The following WASHC5 variants were observed in gnomAD, a reference collection of about 807,000 sequenced individuals.
The protein encoded by WASHC5 is WASH complex subunit strumpellin.
In WASHC5, 101 loss-of-function variants were observed where a neutral mutation model predicts 150.4. The observed-to-expected ratio is 0.67, with a 90% CI of 0.57 to 0.79. The LOEUF (loss-of-function observed/expected upper bound fraction) is 0.79. Among genes scored for constraint, WASHC5 ranks in the 30% least tolerant of loss-of-function variants. The pLI, the probability that WASHC5 is intolerant of heterozygous loss-of-function variation, is 0.00. For synonymous variants in WASHC5, 467 were observed against 491.2 expected, an observed-to-expected ratio of 0.95 and a Z score of 0.65; for missense variants, 1,195 against 1,396.3, an observed-to-expected ratio of 0.86 and a Z score of 2.30.
intron 28 of WASHC5, among the ~76,000 whole-genome samples, chr8:125,025,449 G>A (rs1190109658): frequency 6.6e-6 from 1 of 152,130 alleles, no homozygotes; most frequent in Non-Finnish European, 1.5e-5. Flanking sequence ...TGGCACTTTG[G>A]GAGGCTGAGG....
chr8:125,075,482 T>C (rs912845605), intron 7 of WASHC5, among the ~76,000 whole-genome samples: 11 of 152,204 alleles, frequency 7.2e-5, no homozygotes, highest in Admixed American at 3.3e-4. Context: ...TCTTACAGGT[T>C]TCATGTAATT....
At chr8:125,048,031 G>C (rs1346244660) in intron 19 of WASHC5, among the ~76,000 whole-genome samples, 3 of 152,132 alleles carry the variant, frequency 2.0e-5, no homozygotes, top group Non-Finnish European at 4.4e-5. Flanking sequence ...TTTTGAAGAG[G>C]AAACTTCTAA....
chr8:125,076,587 A>AC, intron 6 of WASHC5, 87 bp from the exon 7 acceptor site: 1 of 1,513,198 alleles, frequency 6.6e-7, no homozygotes, highest in Middle Eastern at 1.7e-4. Context: ...GTTGTAAGAC[A>AC]CATCAGTTTT....
intron 28 of WASHC5, among the ~76,000 whole-genome samples, chr8:125,026,096 C>A (rs957846883): frequency 1.3e-5 from 2 of 152,216 alleles, no homozygotes; most frequent in Non-Finnish European, 2.9e-5. Flanking sequence ...ATAGCACTTA[C>A]AAGTCCCATT....
At chr8:125,079,578 G>C (rs28394364) in intron 5 of WASHC5, among the ~76,000 whole-genome samples, 19,697 of 152,098 alleles carry the variant, frequency 0.13, 3,111 homozygotes, top group African/African-American at 0.38. Flanking sequence ...ATCCTTAGGA[G>C]TGGATTTGTT....
At chr8:125,037,429 T>TTTGCTC in intron 25 of WASHC5, 96 bp from the exon 26 acceptor site, 1 of 815,404 alleles carries the variant, frequency 1.2e-6, no homozygotes. Context: ...TTTACTTCAA[T>TTTGCTC]TTGCTCTTTG....
intron 28 of WASHC5, among the ~76,000 whole-genome samples, chr8:125,025,437 C>T (rs550039521): frequency 6.6e-6 from 1 of 152,248 alleles, no homozygotes; most frequent in African/African-American, 2.4e-5. Context: ...CGCCTGTAAT[C>T]CTGGCACTTT....
At chr8:125,085,380 T>G (rs2130228992) in intron 1 of WASHC5, among the ~76,000 whole-genome samples, 1 of 152,280 alleles carries the variant, frequency 6.6e-6, no homozygotes, top group Admixed American at 6.5e-5. Context: ...TAAAAACTTT[T>G]CCATGGTAAA....
intron 1 of WASHC5, among the ~76,000 whole-genome samples, chr8:125,084,232 A>G (rs1332802177): frequency 6.6e-6 from 1 of 152,208 alleles, no homozygotes; most frequent in Admixed American, 6.5e-5. Flanking sequence ...CTTCTTCAAC[A>G]TGTTAGTCAC....
intron 9 of WASHC5, among the ~76,000 whole-genome samples, chr8:125,069,407 TAAAC>T (rs1398173884): frequency 6.6e-6 from 1 of 152,202 alleles, no homozygotes; most frequent in African/African-American, 2.4e-5. Flanking sequence ...CTCTAAGACT[TAAAC>T]AGACTTTGTC....
intron 26 of WASHC5, among the ~76,000 whole-genome samples, chr8:125,034,915 G>C (rs1195443885): frequency 1.3e-5 from 2 of 152,190 alleles, no homozygotes; most frequent in Non-Finnish European, 2.9e-5. Flanking sequence ...GACCAAGCCA[G>C]GTATGCATTT....
chr8:125,082,518 C>T lies in WASHC5; in HGVS notation c.333-51G>A, dbSNP rs1189776602. The T allele has an allele frequency of 2.8e-6, 3 of 1,058,546 alleles. No individual in the cohort carries two copies. The African/African-American group carries it at 4.7e-5, about 17-fold the overall frequency. The allele number at this position is 1,058,546 out of a possible 1,614,324, so 65.6% of individuals were successfully genotyped here. On this transcript the variant is annotated intron_variant, in intron 3 of 28. Transcript: ENST00000318410. The stretch of plus-strand genomic sequence containing the variant: ...TATTAATTTATAATAGAAACTTTAA[C>T]ATCTTTAAAGAAGGAAAGATTTTTA...
chr8:125,025,072 G>C (rs1815338017), intron 28 of WASHC5, among the ~76,000 whole-genome samples: 1 of 152,052 alleles, frequency 6.6e-6, no homozygotes, highest in Non-Finnish European at 1.5e-5. Flanking sequence ...AGGTAGGGGA[G>C]GGCAGGAATG....
Position 125,037,306 on chromosome 8 carries a change from A to G in WASHC5, c.3112T>C (p.Tyr1038His). The change falls in exon 26 of 29, where the codon TAT (tyrosine) becomes CAT (histidine). Residue 1038 changes from tyrosine to histidine, a missense_variant. By Grantham distance (83) the Tyr-to-His change is moderately conservative. Transcript: ENST00000318410. ...KIYITTKRLP[Y>H]FPIVNFLFLI... ...AATAGAAAGTTTACAATTGGAAAAT[A>G]GGGTAAGCGCTTTGTTGTTATGTAT... The G allele has an allele frequency of 6.2e-7, 1 of 1,611,142 alleles. No individual in the cohort carries two copies. Among genetic ancestry groups the G allele is most frequent in the Non-Finnish European group, 8.5e-7 (1 of 1,177,370 alleles).
chr8:125,081,953 G>C (rs1047214974), intron 4 of WASHC5, among the ~76,000 whole-genome samples, 192 bp from the exon 5 acceptor site: 3 of 152,252 alleles, frequency 2.0e-5, no homozygotes, highest in Non-Finnish European at 4.4e-5. Context: ...ATGTAAAACA[G>C]ATTTTAATTC....
intron 26 of WASHC5, among the ~76,000 whole-genome samples, chr8:125,036,498 C>T (rs1815711160): frequency 6.6e-6 from 1 of 152,064 alleles, no homozygotes; most frequent in Non-Finnish European, 1.5e-5. Context: ...TGGCAAAACC[C>T]TGTTGCTACA....
Position 125,083,243 on chromosome 8 carries a change from C to T in WASHC5, c.202G>A (p.Glu68Lys), listed in dbSNP as rs1817323945. The T allele has an allele frequency of 6.2e-7, 1 of 1,613,090 alleles. No homozygotes were observed. The highest frequency in any genetic ancestry group is 1.3e-5 in the African/African-American group (1 of 74,842). Residue 68 changes from glutamate (E) to lysine (K), a missense_variant, in exon 3 of 29, where the codon GAA becomes AAA. By Grantham distance (56) the Glu-to-Lys change is moderately conservative (BLOSUM62 1). Around this residue, in one of 3 missense-constraint regions of WASHC5, gnomAD observed 195 missense variants for 206.9 expected, o/e 0.94. Coordinates refer to ENST00000318410, the MANE Select transcript of WASHC5 (RefSeq NM_014846.4). Reference protein sequence around the residue: ...FSYFKGPELWESKLDAKPELQ... With the variant: ...FSYFKGPELWKSKLDAKPELQ... ...TCTGGCTTAGCATCCAGTTTGCTTT[C>T]CCATAATTCTGGACCCTGAGAAAAA...
At chr8:125,058,557 G>T (rs1816487198) in intron 14 of WASHC5, among the ~76,000 whole-genome samples, 2 of 152,092 alleles carry the variant, frequency 1.3e-5, no homozygotes, top group Non-Finnish European at 2.9e-5. Context: ...GACCAGCCTG[G>T]TCAACATGGT....
chr8:125,050,645 C>T lies in WASHC5; in HGVS notation c.2118G>A (p.Leu706=), dbSNP rs1213218374. ...GIIKVDPKQL[L]EDGIRKELVK... ...CAAGCTCTTTCCTTATTCCATCTTC[C>T]AGCAACTGCTTTGGATCCACCTAAG... Residue 706 remains leucine, a synonymous_variant, in exon 18 of 29, where the codon CTG becomes CTA. Transcript: ENST00000318410. 2 of 1,613,900 alleles carry T rather than the reference C, an allele frequency of 1.2e-6. No homozygotes were observed. Among genetic ancestry groups the T allele is most frequent in the African/African-American group, 1.3e-5 (1 of 74,904 alleles).
Sources: gnomAD v4.1 joint callset for allele counts (sites outside exome capture counted in the v4.1 genomes callset) on GRCh38, gnomAD v4.1.1 for gene constraint, gnomAD v4.1.1 regional missense constraint, MANE v1.5 for transcripts, NCBI Gene and HGNC (gene_info 2026-07-23, HGNC 2026-07-21) for gene names.